TMSB15A: variants seen among roughly 807,000 people sequenced by gnomAD.
TMSB15A encodes thymosin beta-15A.
TMSB15A carries 1 observed loss-of-function variant against 3.2 expected under a neutral mutation model. That is an observed-to-expected ratio of 0.32 (90% CI 0.11 to 1.50). The LOEUF is 1.50. Among genes scored for constraint, TMSB15A ranks in the 40% most tolerant of loss-of-function variants. TMSB15A has a pLI of 0.39. For synonymous variants in TMSB15A, 10 were observed against 11.2 expected (o/e 0.90, Z 0.21); for missense variants, 22 against 27.8 (o/e 0.79, Z 0.47).
intron 2 of TMSB15A, among the ~76,000 whole-genome samples, 162 bp downstream of exon 2, chrX:102,514,901 AG>A (rs1181235156): frequency 9.0e-6 from 1 of 111,657 alleles, no homozygotes; most frequent in African/African-American, 3.3e-5. Context: ...ATATAACCCA[AG>A]TAGGAAGATG....
chrX:102,513,806 C>T lies in TMSB15A; in HGVS notation c.*281G>A, dbSNP rs1045085884. ...AAGCACCCATCATAGCAGGTTAAAACAGGCTTATCCAGTATAGGATGCAAG... is the reference window on the plus strand; with the variant it reads ...AAGCACCCATCATAGCAGGTTAAAATAGGCTTATCCAGTATAGGATGCAAG... On this transcript the variant is annotated 3_prime_UTR_variant, in exon 3 of 3. Transcript: ENST00000289373. 48 of 321,730 alleles carry T rather than the reference C, an allele frequency of 1.5e-4. No homozygotes were observed. The highest frequency in any genetic ancestry group is 2.1e-4 in the Non-Finnish European group (38 of 182,230). 26.5% of individuals were successfully genotyped at this position (321,730 alleles called of 1,213,427 possible). A position where few individuals can be genotyped will look rare whatever the true frequency, so the allele number is the denominator to read the frequency against.
In TMSB15A at chrX:102,515,194, A is replaced by G; in HGVS notation, c.-17-14T>C. 8.3e-7 allele frequency: 1 copy of G among 1,199,531 alleles called. No homozygotes were observed. The highest frequency in any genetic ancestry group is 3.0e-5 in the East Asian group (1 of 33,723). The stretch of plus-strand genomic sequence containing the variant: ...CTAGAAGATAGCCTGAAAAGAATAA[A>G]CATTTTTAAGAAAACTTACCTGGCA... On this transcript the variant is annotated splice_polypyrimidine_tract_variant and intron_variant, in intron 1 of 2. Transcript: ENST00000289373.
At position 102,513,796 on chromosome X, in the gene TMSB15A, C is replaced by A; in HGVS notation, c.*291G>T. 1 of 303,969 alleles carries A rather than the reference C, an allele frequency of 3.3e-6. No homozygotes were observed. The highest frequency in any genetic ancestry group is 5.9e-6 in the Non-Finnish European group (1 of 170,810). 25.1% of individuals were successfully genotyped at this position (303,969 alleles called of 1,213,427 possible). ...GAAGCAATGGAAGCACCCATCATAG[C>A]AGGTTAAAACAGGCTTATCCAGTAT... On this transcript the variant is annotated 3_prime_UTR_variant, in exon 3 of 3. Coordinates refer to ENST00000289373, the MANE Select transcript of TMSB15A (RefSeq NM_021992.3).
Position 102,515,183 on chromosome X carries a change from G to T in TMSB15A, c.-17-3C>A, listed in dbSNP as rs1465611887. ...ACTCATCTTGACTAGAAGATAGCCT[G>T]AAAAGAATAAACATTTTTAAGAAAA... On this transcript the variant is annotated splice_polypyrimidine_tract_variant and splice_region_variant and intron_variant, in intron 1 of 2. Coordinates refer to ENST00000289373, the MANE Select transcript of TMSB15A (RefSeq NM_021992.3). 4.2e-6 allele frequency: 5 copies of T among 1,201,939 alleles called. No homozygotes were observed. Among genetic ancestry groups the T allele is most frequent in the African/African-American group, 1.8e-5 (1 of 56,793 alleles).
At chrX:102,515,304 A>G (rs887811275) in intron 1 of TMSB15A, 124 bp from the exon 2 acceptor site, 30 of 539,194 alleles carry the variant, frequency 5.6e-5, no homozygotes, top group Non-Finnish European at 8.5e-5. Flanking sequence ...TTTCAACAGA[A>G]AAACAGCAAC....
At position 102,513,926 on chromosome X, in the gene TMSB15A, G is replaced by T; in HGVS notation, c.*161C>A. 1 of 555,327 alleles carries T rather than the reference G, an allele frequency of 1.8e-6. No homozygotes were observed. Among genetic ancestry groups the T allele is most frequent in the South Asian group, 3.0e-5 (1 of 33,870 alleles). The allele number at this position is 555,327 out of a possible 1,213,427, so 45.8% of individuals were successfully genotyped here. On this transcript the variant is annotated 3_prime_UTR_variant, in exon 3 of 3. Transcript: ENST00000289373. ...ATGGTAAGTTTAAAAATGAATTTAA[G>T]GAAACATTGGCTACCTCTGACTTCT...
Position 102,515,137 on chromosome X carries a change from T to C in TMSB15A, c.27A>G (p.Glu9=). The part of the protein sequence containing the change: MSDKPDLS[E]VEKFDRSKLK... ...GTTTTGACCTGTCAAACTTCTCCAC[T>C]TCCGACAAGTCTGGCTTATCACTCA... The change falls in exon 2 of 3, where the codon GAA becomes GAG. Residue 9 remains glutamate (E), a synonymous_variant. Coordinates refer to ENST00000289373, the MANE Select transcript of TMSB15A (RefSeq NM_021992.3). 1 of 1,211,410 alleles carries C rather than the reference T, an allele frequency of 8.3e-7. No individual in the cohort carries two copies. Among genetic ancestry groups the C allele is most frequent in the Non-Finnish European group, 1.1e-6 (1 of 895,415 alleles).
At chrX:102,514,855 CCCCCATTCCTATTAAGACTTATGTGA>C (rs1393929174) in intron 2 of TMSB15A, among the ~76,000 whole-genome samples, 183 bp downstream of exon 2, 1 of 111,474 alleles carries the variant, frequency 9.0e-6, no homozygotes, top group Non-Finnish European at 1.9e-5. Flanking sequence ...CTAGTTTTCC[CCCCCATTCCTATTAAGACTTATGTGA>C]GAACTACTTA....
At chrX:102,514,840 A>G (rs2147557957) in intron 2 of TMSB15A, among the ~76,000 whole-genome samples, 1 of 112,018 alleles carries the variant, frequency 8.9e-6, no homozygotes, top group Admixed American at 9.4e-5. Context: ...TTTTCCAACA[A>G]GAAACTAGTT....
At chrX:102,514,242 G>T in intron 2 of TMSB15A, 118 bp from the exon 3 acceptor site, 1 of 827,346 alleles carries the variant, frequency 1.2e-6, no homozygotes, top group Non-Finnish European at 1.8e-6. Flanking sequence ...AATTTAGAAT[G>T]CCAAGGCATT....
rs1556403254 is a variant in TMSB15A at position 102,514,121 on chromosome X, A to G, written c.104T>C (p.Ile35Thr). 1 of 1,211,565 alleles carries G rather than the reference A, an allele frequency of 8.3e-7. No individual in the cohort carries two copies. Among genetic ancestry groups the G allele is most frequent in the Non-Finnish European group, 1.1e-6 (1 of 895,265 alleles). The change falls in exon 3 of 3, where the codon ATC (isoleucine) becomes ACC (threonine). Residue 35 changes from isoleucine (I) to threonine (T), a missense_variant. Ile to Thr is a moderately conservative substitution (Grantham distance 89). Coordinates refer to ENST00000289373, the MANE Select transcript of TMSB15A (RefSeq NM_021992.3). ...TTGAACACACTCTTTCTCTTGCTGG[A>G]TAGCTGGGAAGACAAACACAAAAAT... Reference protein sequence around the residue: ...EKNTLPSKETIQQEKECVQTS With the variant: ...EKNTLPSKETTQQEKECVQTS
rs782315500 is a variant in TMSB15A at position 102,513,762 on chromosome X, GA to G, written c.*324del. 8.5e-6 allele frequency: 2 copies of G among 235,068 alleles called. No individual in the cohort carries two copies. Among genetic ancestry groups the G allele is most frequent in the African/African-American group, 2.8e-5 (1 of 35,975 alleles). 19.4% of individuals were successfully genotyped at this position (235,068 alleles called of 1,213,427 possible). On this transcript the variant is annotated 3_prime_UTR_variant, in exon 3 of 3. Transcript: ENST00000289373. ...AAGCTGCAAAAGCATGCAACTTCATGAAGATTATGAAGCAATGGAAGCACCC... is the reference window on the plus strand; with the variant it reads ...AAGCTGCAAAAGCATGCAACTTCATGAGATTATGAAGCAATGGAAGCACCC...
chrX:102,515,239 G>C (rs1317287470), intron 1 of TMSB15A, 59 bp from the exon 2 acceptor site: 1 of 1,053,525 alleles, frequency 9.5e-7, no homozygotes, highest in Non-Finnish European at 1.3e-6. Context: ...TCGGACTAAG[G>C]GGTCACAAGC....
intron 1 of TMSB15A, among the ~76,000 whole-genome samples, chrX:102,515,647 C>CAAAAAA (rs1224225791): frequency 4.5e-5 from 4 of 88,849 alleles, no homozygotes; most frequent in African/African-American, 1.6e-4. Flanking sequence ...GGGAGCAGCA[C>CAAAAAA]AAAAAAAAAA....
intron 1 of TMSB15A, 105 bp from the exon 2 acceptor site, chrX:102,515,285 C>T (rs1934882180): frequency 1.6e-6 from 1 of 643,875 alleles, no homozygotes; most frequent in Non-Finnish European, 2.3e-6. Context: ...GTATATTCTA[C>T]CCGCTCATTT....
At chrX:102,514,393 T>C (rs1367546208) in intron 2 of TMSB15A, among the ~76,000 whole-genome samples, 1 of 112,232 alleles carries the variant, frequency 8.9e-6, no homozygotes, top group African/African-American at 3.2e-5. Flanking sequence ...TCTTAGATGA[T>C]TCAAGACTGA....
Position 102,513,710 on chromosome X carries a change from A to G in TMSB15A, c.*377T>C. On this transcript the variant is annotated 3_prime_UTR_variant, in exon 3 of 3. Transcript: ENST00000289373. ...TGATTATATTGGTTACTTTATTACT[A>G]CATTAGAAATGCAAATAAACTGTGA... The G allele has an allele frequency of 6.1e-6, 1 of 165,035 alleles. No individual in the cohort carries two copies. The highest frequency in any genetic ancestry group is 2.3e-4 in the South Asian group (1 of 4,315). The allele number at this position is 165,035 out of a possible 1,213,427, so 13.6% of individuals were successfully genotyped here. A position where few individuals can be genotyped will look rare whatever the true frequency, so the allele number is the denominator to read the frequency against.
intron 2 of TMSB15A, among the ~76,000 whole-genome samples, 187 bp downstream of exon 2, chrX:102,514,877 T>C (rs1461602069): frequency 8.9e-6 from 1 of 112,022 alleles, no homozygotes; most frequent in Non-Finnish European, 1.9e-5. Context: ...TTAAGACTTA[T>C]GTGAGAACTA....
chrX:102,514,306 C>T (rs1934871259), intron 2 of TMSB15A, among the ~76,000 whole-genome samples, 182 bp from the exon 3 acceptor site: 1 of 112,254 alleles, frequency 8.9e-6, no homozygotes, highest in African/African-American at 3.2e-5. Context: ...TGTTAACTAC[C>T]TGAATATTCA....
Sources: allele counts gnomAD v4.1 joint callset (sites outside exome capture counted in the v4.1 genomes callset), GRCh38; gene constraint gnomAD v4.1.1; transcripts MANE v1.5; gene names NCBI Gene and HGNC (gene_info 2026-07-23, HGNC 2026-07-21).